UCP1: variants seen among roughly 807,000 people sequenced by gnomAD.
The protein encoded by UCP1 is mitochondrial brown fat uncoupling protein 1.
UCP1 carries 24 observed loss-of-function variants against 26.2 expected under a neutral mutation model. That is an observed-to-expected ratio of 0.92 (90% CI 0.66 to 1.29). The LOEUF (loss-of-function observed/expected upper bound fraction) is 1.29. Among genes scored for constraint, UCP1 ranks in the 50% most tolerant of loss-of-function variants. UCP1 has a pLI of 0.00. For missense variants in UCP1, 402 were observed against 388.7 expected (o/e 1.03, Z -0.29); for synonymous variants, 164 against 156.8 (o/e 1.05, Z -0.34).
At chr4:140,563,901 C>G (rs890243835) in intron 2 of UCP1, among the ~76,000 whole-genome samples, 2 of 152,180 alleles carry the variant, frequency 1.3e-5, no homozygotes, top group Admixed American at 6.5e-5. Flanking sequence ...AGCCACCCAC[C>G]TGGCCCATAT....
At chr4:140,563,611 A>ATTTTTT in intron 2 of UCP1, 93 bp from the exon 3 acceptor site, 1 of 1,013,674 alleles carries the variant, frequency 9.9e-7, no homozygotes, top group Non-Finnish European at 1.4e-6. Flanking sequence ...ATATTTTTGT[A>ATTTTTT]TTTTTTTTTT....
rs756371993 is a variant in UCP1, at chr4:140,563,328, A to G, written c.516T>C (p.Gly172=). Residue 172 remains glycine, a synonymous_variant, in exon 3 of 6, where the codon GGT becomes GGC. Transcript: ENST00000262999. The part of the protein sequence containing the change: ...RIIATTEGLT[G]LWKGTTPNLM... Reference sequence around the variant, plus strand: ...TTTGAAGTTAGTTACCTTTCCAAAGACCCGTCAAGCCTTCGGTTGTTGCTA... The same window carrying G: ...TTTGAAGTTAGTTACCTTTCCAAAGGCCCGTCAAGCCTTCGGTTGTTGCTA... The G allele has an allele frequency of 6.2e-7, 1 of 1,614,156 alleles. No individual in the cohort carries two copies. The highest frequency in any genetic ancestry group is 8.5e-7 in the Non-Finnish European group (1 of 1,180,020).
intron 2 of UCP1, among the ~76,000 whole-genome samples, chr4:140,566,300 A>G (rs1181208230): frequency 6.6e-6 from 1 of 152,226 alleles, no homozygotes; most frequent in African/African-American, 2.4e-5. Flanking sequence ...CACATCTGCC[A>G]TCTAAACATC....
intron 2 of UCP1, 146 bp from the exon 3 acceptor site, chr4:140,563,664 G>A: frequency 1.3e-6 from 1 of 769,292 alleles, no homozygotes; most frequent in Non-Finnish European, 2.0e-6. Flanking sequence ...CTAGAGTGCA[G>A]TGGTGTGATC....
intron 5 of UCP1, 87 bp from the exon 6 acceptor site, chr4:140,560,097 G>A: frequency 8.9e-7 from 1 of 1,120,026 alleles, no homozygotes; most frequent in South Asian, 1.3e-5. Flanking sequence ...CTGCCGCCCA[G>A]GCTGGAATGC....
intron 2 of UCP1, among the ~76,000 whole-genome samples, chr4:140,566,467 G>A (rs1002582942): frequency 6.6e-6 from 1 of 152,054 alleles, no homozygotes; most frequent in Non-Finnish European, 1.5e-5. Flanking sequence ...CCACCTGAAC[G>A]GGCAGCTTTA....
intron 2 of UCP1, among the ~76,000 whole-genome samples, chr4:140,565,098 CTCAGA>C (rs1183357155): frequency 6.6e-6 from 1 of 152,178 alleles, no homozygotes; most frequent in East Asian, 1.9e-4. Flanking sequence ...TGGAATCTGG[CTCAGA>C]TTTTCTCCTA....
At position 140,559,891 on chromosome 4, in the gene UCP1, G is replaced by T; in HGVS notation, c.*5C>A. On this transcript the variant is annotated 3_prime_UTR_variant, in exon 6 of 6. Coordinates refer to ENST00000262999, the MANE Select transcript of UCP1 (RefSeq NM_021833.5). ...TGGTATGTTACATCATTTTCTTGAA[G>T]CTGATTATGTGGCACAGTCCATAGT... 1.2e-6 allele frequency: 2 copies of T among 1,608,320 alleles called. No individual in the cohort carries two copies. Among genetic ancestry groups the T allele is most frequent in the African/African-American group, 1.3e-5 (1 of 74,894 alleles).
At position 140,568,946 on chromosome 4, in the gene UCP1, G is replaced by T. The variant is rs1363363892; in HGVS notation, c.-217C>A. The T allele has an allele frequency of 9.1e-6, 6 of 657,318 alleles. No individual in the cohort carries two copies. Among genetic ancestry groups the T allele is most frequent in the Non-Finnish European group, 1.5e-5 (6 of 390,006 alleles). 40.7% of individuals were successfully genotyped at this position (657,318 alleles called of 1,614,324 possible). On this transcript the variant is annotated 5_prime_UTR_variant, in exon 1 of 6. Transcript: ENST00000262999. ...CGCGTCCCCTCCTACCCACCCTCGC[G>T]CCAGCAGGACCCTCTGCGTTCCGGT...
At position 140,568,722 on chromosome 4, in the gene UCP1, C is replaced by G. The variant is rs1735863025; in HGVS notation, c.8G>C (p.Gly3Ala). Residue 3 changes from glycine (G) to alanine (A), a missense_variant, in exon 1 of 6, where the codon GGC becomes GCC. Coordinates refer to ENST00000262999, the MANE Select transcript of UCP1 (RefSeq NM_021833.5). Reference sequence around the variant, plus strand: ...CGGGTGTACGTCCGAGGCTGTCAGGCCCCCCATCTTCACTCAGAGACTGGA... The same window carrying G: ...CGGGTGTACGTCCGAGGCTGTCAGGGCCCCCATCTTCACTCAGAGACTGGA... MG[G>A]LTASDVHPTL... The G allele has an allele frequency of 2.5e-6, 4 of 1,591,524 alleles. No homozygotes were observed. Among genetic ancestry groups the G allele is most frequent in the African/African-American group, 1.3e-5 (1 of 74,610 alleles).
In UCP1 at chr4:140,567,952, C is replaced by T. The variant is rs1578791715; in HGVS notation, c.152G>A (p.Ser51Asn). The T allele has an allele frequency of 6.2e-7, 1 of 1,614,200 alleles. No homozygotes were observed. The highest frequency in any genetic ancestry group is 1.1e-5 in the South Asian group (1 of 91,090). The change falls in exon 2 of 6, where the codon AGT becomes AAT. Residue 51 changes from serine (S) to asparagine (N), a missense_variant. Transcript: ENST00000262999. Reference protein sequence around the residue: ...LQVQGECPTSSVIRYKGVLGT... With the variant: ...LQVQGECPTSNVIRYKGVLGT... ...CAGGACACCTTTATACCTAATAACA[C>T]TGGACGTCGGGCATTCACCTTGGAC...
intron 3 of UCP1, 51 bp from the exon 4 acceptor site, chr4:140,563,262 T>G (rs371409039): frequency 1.8e-4 from 293 of 1,612,278 alleles, no homozygotes; most frequent in Non-Finnish European, 2.4e-4. Context: ...TACAATAAGT[T>G]GCTAGTTGTA....
In UCP1 at chr4:140,568,780, T is replaced by C. The variant is rs903923431; in HGVS notation, c.-51A>G. ...AGGAAAAGGGCTCCAGCCCCGAAGG[T>C]GGAGGAAGTTCCTTTCCCTTGCTCT... On this transcript the variant is annotated 5_prime_UTR_variant, in exon 1 of 6. Transcript: ENST00000262999. 2 of 1,544,908 alleles carry C rather than the reference T, an allele frequency of 1.3e-6. No individual in the cohort carries two copies. The highest frequency in any genetic ancestry group is 1.9e-5 in the Admixed American group (1 of 51,404).
intron 2 of UCP1, 126 bp from the exon 3 acceptor site, chr4:140,563,644 G>A (rs1204155511): frequency 4.5e-6 from 4 of 879,844 alleles, no homozygotes; most frequent in East Asian, 2.6e-5. Flanking sequence ...GTCTTGCTCT[G>A]TTATCTAGGC....
At position 140,568,861 on chromosome 4, in the gene UCP1, G is replaced by A. The variant is rs112140607; in HGVS notation, c.-132C>T. 1.5e-3 allele frequency: 2,154 copies of A among 1,418,560 alleles called. 16 individuals carry two copies. In the African/African-American group the frequency reaches 0.022, roughly 15 times the overall value. The allele number at this position is 1,418,560 out of a possible 1,614,324, so 87.9% of individuals were successfully genotyped here. Reference sequence around the variant, plus strand: ...TTTCTGTTTTTTGAACCGACCGCCGGGCAGCGGCGGTGCAGAGGCGGCGGC... The same window carrying A: ...TTTCTGTTTTTTGAACCGACCGCCGAGCAGCGGCGGTGCAGAGGCGGCGGC... On this transcript the variant is annotated 5_prime_UTR_variant, in exon 1 of 6. Transcript: ENST00000262999.
At position 140,568,852 on chromosome 4, in the gene UCP1, C is replaced by A. The variant is rs549543974; in HGVS notation, c.-123G>T. The A allele has an allele frequency of 2.2e-5, 33 of 1,469,354 alleles. No individual in the cohort carries two copies. In the South Asian group the frequency reaches 4.1e-4, roughly 18 times the overall value. 91.0% of individuals were successfully genotyped at this position (1,469,354 alleles called of 1,614,324 possible). A position where few individuals can be genotyped will look rare whatever the true frequency, so the allele number is the denominator to read the frequency against. On this transcript the variant is annotated 5_prime_UTR_variant, in exon 1 of 6. Transcript: ENST00000262999. Reference sequence around the variant, plus strand: ...CAAACCCGATTTCTGTTTTTTGAACCGACCGCCGGGCAGCGGCGGTGCAGA... The same window carrying A: ...CAAACCCGATTTCTGTTTTTTGAACAGACCGCCGGGCAGCGGCGGTGCAGA...
intron 4 of UCP1, among the ~76,000 whole-genome samples, 200 bp downstream of exon 4, chr4:140,562,910 T>G (rs916761302): frequency 3.3e-5 from 5 of 152,320 alleles, no homozygotes; most frequent in Admixed American, 3.3e-4. Context: ...TGCAAAATAT[T>G]TTTGTTGTGG....
chr4:140,563,025 G>T (rs1186791957), intron 4 of UCP1, 85 bp downstream of exon 4: 2 of 1,037,674 alleles, frequency 1.9e-6, no homozygotes, highest in South Asian at 2.6e-5. Context: ...TTGGAGTTAA[G>T]AGATTGAGTA....
At position 140,568,922 on chromosome 4, in the gene UCP1, G is replaced by T; in HGVS notation, c.-193C>A. On this transcript the variant is annotated 5_prime_UTR_variant, in exon 1 of 6. Coordinates refer to ENST00000262999, the MANE Select transcript of UCP1 (RefSeq NM_021833.5). ...GCGCGGTGTTGGGGGCCGAGTCCCC[G>T]CGTCCCCTCCTACCCACCCTCGCGC... 1.3e-6 allele frequency: 1 copy of T among 758,554 alleles called. No individual in the cohort carries two copies. The highest frequency in any genetic ancestry group is 2.1e-6 in the Non-Finnish European group (1 of 477,730). The allele number at this position is 758,554 out of a possible 1,614,324, so 47.0% of individuals were successfully genotyped here.
Sources: allele counts gnomAD v4.1 joint callset (sites outside exome capture counted in the v4.1 genomes callset), GRCh38; gene constraint gnomAD v4.1.1; transcripts MANE v1.5; gene names NCBI Gene and HGNC (gene_info 2026-07-23, HGNC 2026-07-21).